The following TIFA variants were observed in gnomAD, a reference collection of about 807,000 sequenced individuals.
TIFA encodes the protein TRAF interacting protein with forkhead associated domain.
For synonymous variants in TIFA, 75 were observed against 79.2 expected (o/e 0.95, Z 0.28); for missense variants, 186 against 215.2 (o/e 0.86, Z 0.85).
In TIFA at chr4:112,277,674, G is replaced by GGTGGTAGCCGTAT; in HGVS notation, c.*187_*188insATACGGCTACCAC. ...GTTAAAATAATTTTGTGTAGATCCA[G>GGTGGTAGCCGTAT]AATACAACAGGTGACTAAGTTAATG... On this transcript the variant is annotated 3_prime_UTR_variant, in exon 2 of 2. Transcript: ENST00000361717. The GGTGGTAGCCGTAT allele has an allele frequency of 2.3e-6, 1 of 431,852 alleles. No homozygotes were observed. The allele number at this position is 431,852 out of a possible 1,614,324, so 26.8% of individuals were successfully genotyped here.
intron 1 of TIFA, among the ~76,000 whole-genome samples, chr4:112,282,933 C>CT (rs56725203): frequency 0.027 from 4,067 of 151,728 alleles, 174 homozygotes; most frequent in East Asian, 0.16. Flanking sequence ...TAGGAATTCA[C>CT]TTTTTTTTTG....
chr4:112,277,733 ACT>A lies in TIFA; in HGVS notation c.*127_*128del. Reference sequence around the variant, plus strand: ...AATTTACAGACTTCAAAATGATAATACTGAATTCCAAATTTCACAGCATAACA... The same window carrying A: ...AATTTACAGACTTCAAAATGATAATAGAATTCCAAATTTCACAGCATAACA... On this transcript the variant is annotated 3_prime_UTR_variant, in exon 2 of 2. Transcript: ENST00000361717. The A allele has an allele frequency of 4.6e-6, 1 of 219,182 alleles. No homozygotes were observed. Among genetic ancestry groups the A allele is most frequent in the South Asian group, 6.4e-5 (1 of 15,698 alleles). 13.6% of individuals were successfully genotyped at this position (219,182 alleles called of 1,614,324 possible).
chr4:112,283,583 A>AT (rs1727264642), intron 1 of TIFA, among the ~76,000 whole-genome samples: 1 of 152,244 alleles, frequency 6.6e-6, no homozygotes, highest in Non-Finnish European at 1.5e-5. Flanking sequence ...GAAGCTGACA[A>AT]TTAAAATAAT....
At chr4:112,282,318 A>G (rs1727242609) in intron 1 of TIFA, among the ~76,000 whole-genome samples, 1 of 152,214 alleles carries the variant, frequency 6.6e-6, no homozygotes, top group South Asian at 2.1e-4. Flanking sequence ...GCAGTGTGAG[A>G]ACAAACTAAT....
In TIFA at chr4:112,277,637, T is replaced by A; in HGVS notation, c.*225A>T. 2.5e-6 allele frequency: 1 copy of A among 398,322 alleles called. No homozygotes were observed. The highest frequency in any genetic ancestry group is 6.4e-5 in the South Asian group (1 of 15,624). 24.7% of individuals were successfully genotyped at this position (398,322 alleles called of 1,614,324 possible). A position where few individuals can be genotyped will look rare whatever the true frequency, so the allele number is the denominator to read the frequency against. ...CTTTTTGTATATTAATCCTCACAGA[T>A]TAATAAGAGCAGTTAAAATAATTTT... On this transcript the variant is annotated 3_prime_UTR_variant, in exon 2 of 2. Coordinates refer to ENST00000361717, the MANE Select transcript of TIFA (RefSeq NM_052864.3).
intron 1 of TIFA, among the ~76,000 whole-genome samples, chr4:112,284,292 CACACACACACACACACACACACGT>C (rs1727278700): frequency 4.0e-5 from 1 of 24,876 alleles, no homozygotes; most frequent in Non-Finnish European, 6.2e-5. Flanking sequence ...TGCAACACAA[CACACACACACACACACACACACGT>C]ACACACACAC....
At chr4:112,282,017 C>T (rs761160439) in intron 1 of TIFA, among the ~76,000 whole-genome samples, 4 of 152,174 alleles carry the variant, frequency 2.6e-5, no homozygotes, top group Non-Finnish European at 4.4e-5. Flanking sequence ...ATAGCTCCCA[C>T]GAGTCCCACA....
chr4:112,278,225 C>A lies in TIFA; in HGVS notation c.192G>T (p.Gln64His). 1 of 1,613,666 alleles carries A rather than the reference C, an allele frequency of 6.2e-7. No individual in the cohort carries two copies. The highest frequency in any genetic ancestry group is 8.5e-7 in the Non-Finnish European group (1 of 1,179,864). ...NICHYTFQDK[Q>H]VSRVQFSLQL... ...GCAGAGAAAACTGAACTCGGGAAAC[C>A]TGTTTGTCCTGAAAAGTATAATGAC... The change falls in exon 2 of 2, where the codon CAG becomes CAT. Residue 64 changes from glutamine (Q) to histidine (H), a missense_variant. Physicochemically the swap from Gln to His is conservative, Grantham distance 24. Transcript: ENST00000361717.
At position 112,276,993 on chromosome 4, in the gene TIFA, C is replaced by T. The variant is rs1327297156; in HGVS notation, c.*869G>A. 2 of 152,048 alleles carry T rather than the reference C, an allele frequency of 1.3e-5. No individual in the cohort carries two copies. Among genetic ancestry groups the T allele is most frequent in the African/African-American group, 4.8e-5 (2 of 41,406 alleles). The allele number at this position is 152,048 out of a possible 1,614,324, so 9.4% of individuals were successfully genotyped here. On this transcript the variant is annotated 3_prime_UTR_variant, in exon 2 of 2. Coordinates refer to ENST00000361717, the MANE Select transcript of TIFA (RefSeq NM_052864.3). The stretch of plus-strand genomic sequence containing the variant: ...AGTTAATATTTTAGAAATATTTAAG[C>T]GTTTATCATAAACATTCACATACAT...
chr4:112,278,584 G>T (rs2110505522), intron 1 of TIFA, 150 bp from the exon 2 acceptor site: 2 of 606,180 alleles, frequency 3.3e-6, no homozygotes, highest in Non-Finnish European at 5.3e-6. Context: ...TGAACTAGTA[G>T]ATATGTGAAA....
At chr4:112,282,017 C>G (rs761160439) in intron 1 of TIFA, among the ~76,000 whole-genome samples, 1 of 152,174 alleles carries the variant, frequency 6.6e-6, no homozygotes, top group Non-Finnish European at 1.5e-5. Context: ...ATAGCTCCCA[C>G]GAGTCCCACA....
In TIFA at chr4:112,278,186, T is replaced by C. The variant is rs146995665; in HGVS notation, c.231A>G (p.Lys77=). The C allele has an allele frequency of 8.7e-6, 14 of 1,613,270 alleles. No individual in the cohort carries two copies. Among genetic ancestry groups the C allele is most frequent in the Non-Finnish European group, 1.1e-5 (13 of 1,179,848 alleles). ...RVQFSLQLFK[K]FNSSVLSFEI... ...CAAAGGAGAGAACTGAGCTGTTGAA[T>C]TTTTTAAACAGCTGCAGAGAAAACT... is the stretch of plus-strand genomic sequence containing the variant. The change falls in exon 2 of 2, where the codon AAA becomes AAG. Residue 77 remains lysine (K), a synonymous_variant. Coordinates refer to ENST00000361717, the MANE Select transcript of TIFA (RefSeq NM_052864.3).
In TIFA at chr4:112,275,710, T is replaced by C. The variant is rs1266153436; in HGVS notation, c.*2152A>G. On this transcript the variant is annotated 3_prime_UTR_variant, in exon 2 of 2. Transcript: ENST00000361717. ...GGAGAAATCATTATTCTGTACAAGA[T>C]TTTTCTGGCCCTAAATATTACTTAA... 6.6e-6 allele frequency: 1 copy of C among 152,184 alleles called. No homozygotes were observed. Among genetic ancestry groups the C allele is most frequent in the Non-Finnish European group, 1.5e-5 (1 of 68,028 alleles). The allele number at this position is 152,184 out of a possible 1,614,324, so 9.4% of individuals were successfully genotyped here.
At chr4:112,279,466 C>T (rs1226738851) in intron 1 of TIFA, among the ~76,000 whole-genome samples, 1 of 152,154 alleles carries the variant, frequency 6.6e-6, no homozygotes, top group African/African-American at 2.4e-5. Flanking sequence ...TTCTCCCCCA[C>T]CTGAACTCTT....
chr4:112,278,455 T>C (rs1307234447), intron 1 of TIFA, 21 bp from the exon 2 acceptor site: 2 of 1,507,198 alleles, frequency 1.3e-6, no homozygotes, highest in Non-Finnish European at 1.8e-6. Context: ...TAAATTACCA[T>C]GTTAGTTTCT....
Position 112,277,841 on chromosome 4 carries a change from C to A in TIFA, c.*21G>T. On this transcript the variant is annotated 3_prime_UTR_variant, in exon 2 of 2. Coordinates refer to ENST00000361717, the MANE Select transcript of TIFA (RefSeq NM_052864.3). Reference sequence around the variant, plus strand: ...ACAGAGCTCTTCATCCATCATATTTCTCCTCTTAGACTTTCTGTGTTCATG... The same window carrying A: ...ACAGAGCTCTTCATCCATCATATTTATCCTCTTAGACTTTCTGTGTTCATG... The A allele has an allele frequency of 1.3e-6, 2 of 1,559,908 alleles. No homozygotes were observed. Among genetic ancestry groups the A allele is most frequent in the Middle Eastern group, 2.0e-4 (1 of 5,038 alleles).
In TIFA at chr4:112,283,387, A is replaced by C. The variant is rs567964633; in HGVS notation, c.-19+2253T>G. ...GGGTATCAGTAAGCCTGGGTGTATA[A>C]ATGTTAGCATGGACCTAGTACTCAT... is the stretch of plus-strand genomic sequence containing the variant. On this transcript the variant is annotated intron_variant, in intron 1 of 1. Coordinates refer to ENST00000361717, the MANE Select transcript of TIFA (RefSeq NM_052864.3). Among the ~76,000 whole-genome samples, 3 of 152,232 alleles carry C rather than the reference A, an allele frequency of 2.0e-5. No homozygotes were observed. The South Asian group carries it at 6.2e-4, about 32-fold the overall frequency.
rs1236727820 is a variant in TIFA, at chr4:112,278,003, C to T, written c.414G>A (p.Glu138=). The T allele has an allele frequency of 1.2e-6, 2 of 1,613,860 alleles. No individual in the cohort carries two copies. Among genetic ancestry groups the T allele is most frequent in the Non-Finnish European group, 1.7e-6 (2 of 1,179,988 alleles). ...KEDGESLEFF[E]TQFILSPRSL... Reference sequence around the variant, plus strand: ...ATCTTGGAGATAAAATAAATTGAGTCTCAAAAAATTCCAATGACTCGCCAT... The same window carrying T: ...ATCTTGGAGATAAAATAAATTGAGTTTCAAAAAATTCCAATGACTCGCCAT... Residue 138 remains glutamate (E), a synonymous_variant, in exon 2 of 2, where the codon GAG becomes GAA. Coordinates refer to ENST00000361717, the MANE Select transcript of TIFA (RefSeq NM_052864.3).
At chr4:112,278,530 T>C (rs986379347) in intron 1 of TIFA, 96 bp from the exon 2 acceptor site, 74 of 1,031,258 alleles carry the variant, frequency 7.2e-5, no homozygotes, top group African/African-American at 6.3e-4. Flanking sequence ...TGATAGGCAA[T>C]TTATCTGGAC....
Sources: gnomAD v4.1 joint callset for allele counts (sites outside exome capture counted in the v4.1 genomes callset) on GRCh38, gnomAD v4.1.1 for gene constraint, MANE v1.5 for transcripts, NCBI Gene and HGNC (gene_info 2026-07-23, HGNC 2026-07-21) for gene names.